Variants in ULK4 observed in about 807,000 individuals in gnomAD.
The protein encoded by ULK4 is inactive serine/threonine-protein kinase ULK4.
In ULK4, 133 loss-of-function variants were observed where a neutral mutation model predicts 160.6. The ratio of observed to expected loss-of-function variants is 0.83; its 90% CI spans 0.72 to 0.96. The LOEUF (loss-of-function observed/expected upper bound fraction) is 0.96, where lower values mean the gene tolerates loss of function less well. Among genes scored for constraint, ULK4 ranks in the 40% least tolerant of loss-of-function variants. The pLI is 0.00. For synonymous variants in ULK4, 534 were observed against 539.8 expected (o/e 0.99, Z 0.15); for missense variants, 1,580 against 1,499.5 (o/e 1.05, Z -0.89).
chr3:41,915,397 G>C (rs185481140), intron 8 of ULK4: 6 of 152,346 alleles, frequency 3.9e-5, no homozygotes, highest in Admixed American at 1.3e-4. Context: ...GACAGAACCA[G>C]AACTAGAAAC....
At chr3:41,919,886 G>T in intron 5 of ULK4, 68 bp from the exon 6 acceptor site, 2 of 995,330 alleles carry the variant, frequency 2.0e-6, no homozygotes, top group Non-Finnish European at 3.1e-6. Context: ...ACCCACCTAG[G>T]AAAGATCTGA....
chr3:41,444,302 C>T (rs2083241221), intron 34 of ULK4, among the ~76,000 whole-genome samples: 1 of 151,390 alleles, frequency 6.6e-6, no homozygotes, highest in Non-Finnish European at 1.5e-5. Context: ...GAATTACCTG[C>T]TTAATTCTTT....
intron 18 of ULK4, among the ~76,000 whole-genome samples, chr3:41,825,632 A>C (rs1452349334): frequency 2.6e-5 from 4 of 152,202 alleles, no homozygotes; most frequent in Admixed American, 2.0e-4. Context: ...AGAAATGAAA[A>C]AAGCCTCCAA....
chr3:41,493,616 T>C lies in ULK4; in HGVS notation c.3227-30363A>G, dbSNP rs1473169203. ...AAGCAAATACAGACACAAAAAACCCTTCAAAAAATCAGGGAATCCAGGAGC... is the reference window on the plus strand; with the variant it reads ...AAGCAAATACAGACACAAAAAACCCCTCAAAAAATCAGGGAATCCAGGAGC... On this transcript the variant is annotated intron_variant, in intron 32 of 36. Coordinates refer to ENST00000301831, the MANE Select transcript of ULK4 (RefSeq NM_017886.4). Among the ~76,000 whole-genome samples the C allele has an allele frequency of 3.8e-4, 52 of 137,096 alleles. 2 individuals are homozygous for C. Among genetic ancestry groups the C allele is most frequent in the African/African-American group, 3.0e-4 (11 of 36,282 alleles). The allele number at this position is 137,096 out of a possible 152,430, so 89.9% of individuals were successfully genotyped here.
chr3:41,520,815 TATTG>T lies in ULK4; in HGVS notation c.3226+45206_3226+45209del, dbSNP rs752300539. 7.2e-5 allele frequency among the ~76,000 whole-genome samples: 11 copies of T among 152,322 alleles called. No individual in the cohort carries two copies. The East Asian group carries it at 7.7e-4, about 11-fold the overall frequency. ...TTTGTATTTCCCTAGTCATTAAAGATATTGATTATTTTTTCAATGCTTAGCAGCC... is the reference window on the plus strand; with the variant it reads ...TTTGTATTTCCCTAGTCATTAAAGATATTATTTTTTCAATGCTTAGCAGCC... On this transcript the variant is annotated intron_variant, in intron 32 of 36. Coordinates refer to ENST00000301831, the MANE Select transcript of ULK4 (RefSeq NM_017886.4).
At chr3:41,360,095 A>G (rs1298188250) in intron 35 of ULK4, among the ~76,000 whole-genome samples, 3 of 152,216 alleles carry the variant, frequency 2.0e-5, no homozygotes, top group Non-Finnish European at 4.4e-5. Context: ...AACCCATTAA[A>G]AAGTGGGCAA....
Position 41,815,997 on chromosome 3 carries a change from T to A in ULK4, c.1848+3426A>T, listed in dbSNP as rs79817331. Among the ~76,000 whole-genome samples the A allele has an allele frequency of 2.4e-3, 368 of 152,094 alleles. 1 individual carries two copies. Among genetic ancestry groups the A allele is most frequent in the African/African-American group, 7.9e-3 (328 of 41,512 alleles). Reference sequence around the variant, plus strand: ...AGCATGGTGGCATGCATAACTACAATCCCAGCTACTTGGGAGGCTGAGACA... The same window carrying A: ...AGCATGGTGGCATGCATAACTACAAACCCAGCTACTTGGGAGGCTGAGACA... On this transcript the variant is annotated intron_variant, in intron 19 of 36. Coordinates refer to ENST00000301831, the MANE Select transcript of ULK4 (RefSeq NM_017886.4).
intron 32 of ULK4, among the ~76,000 whole-genome samples, chr3:41,562,001 G>A (rs1334764957): frequency 6.6e-6 from 1 of 152,146 alleles, no homozygotes; most frequent in Non-Finnish European, 1.5e-5. Context: ...GGCATTTAGT[G>A]CCATAAATTT....
chr3:41,801,580 T>C (rs758376168), intron 19 of ULK4, among the ~76,000 whole-genome samples: 3 of 150,098 alleles, frequency 2.0e-5, no homozygotes, highest in African/African-American at 4.9e-5. Context: ...CAAGGAGCAA[T>C]GTCCCATTCC....
At chr3:41,363,945 T>C (rs2081200558) in intron 35 of ULK4, among the ~76,000 whole-genome samples, 1 of 149,024 alleles carries the variant, frequency 6.7e-6, no homozygotes, top group Non-Finnish European at 1.5e-5. Context: ...TTTTTTTTTC[T>C]GTAGATACAG....
intron 35 of ULK4, among the ~76,000 whole-genome samples, chr3:41,325,139 G>C (rs2080316622): frequency 1.3e-5 from 2 of 152,148 alleles, no homozygotes; most frequent in South Asian, 4.1e-4. Context: ...TTTCATTAAA[G>C]TACAGCTTGA....
intron 34 of ULK4, among the ~76,000 whole-genome samples, chr3:41,435,071 A>G (rs11129907): frequency 0.27 from 40,475 of 152,124 alleles, 5,631 homozygotes; most frequent in East Asian, 0.57. Flanking sequence ...GAGCTGAACC[A>G]TAATTATAAA....
intron 25 of ULK4, among the ~76,000 whole-genome samples, chr3:41,706,360 T>C (rs968832247): frequency 1.4e-5 from 2 of 144,440 alleles, no homozygotes; most frequent in African/African-American, 5.2e-5. Context: ...TATATATATA[T>C]TTATATATAT....
chr3:41,702,369 T>A (rs1352558810), intron 27 of ULK4, among the ~76,000 whole-genome samples: 1 of 152,128 alleles, frequency 6.6e-6, no homozygotes, highest in East Asian at 1.9e-4. Context: ...GGTCTTGAAC[T>A]CCCAACCTCA....
chr3:41,470,044 A>AAAAAAAAAAAAAAAAAAAAAAAAAAAC (rs1415943037), intron 32 of ULK4, among the ~76,000 whole-genome samples: 12 of 116,684 alleles, frequency 1.0e-4, no homozygotes, highest in South Asian at 2.7e-4. Flanking sequence ...AAAAAAAAAA[A>AAAAAAAAAAAAAAAAAAAAAAAAAAAC]AACAAAGTAT....
chr3:41,884,056 G>A, intron 16 of ULK4, 104 bp from the exon 17 acceptor site: 1 of 819,652 alleles, frequency 1.2e-6, no homozygotes, highest in Non-Finnish European at 2.1e-6. Context: ...ATATAAGACT[G>A]AGAAATAAAA....
At chr3:41,835,821 C>G in intron 18 of ULK4, 43 bp downstream of exon 18, 1 of 1,435,344 alleles carries the variant, frequency 7.0e-7, no homozygotes, top group East Asian at 2.3e-5. Context: ...CAGAGTATGT[C>G]AGAACATGTC....
At chr3:41,784,679 C>T (rs1407562585) in intron 21 of ULK4, among the ~76,000 whole-genome samples, 1 of 152,176 alleles carries the variant, frequency 6.6e-6, no homozygotes, top group Non-Finnish European at 1.5e-5. Flanking sequence ...CAAATGGCTA[C>T]TCATCCAAAT....
intron 17 of ULK4, among the ~76,000 whole-genome samples, chr3:41,880,634 T>G (rs1208819386): frequency 6.6e-6 from 1 of 152,170 alleles, no homozygotes; most frequent in Non-Finnish European, 1.5e-5. Flanking sequence ...ATTAAAATGC[T>G]TATAGGGGCC....
Sources: gnomAD v4.1 joint callset for allele counts (sites outside exome capture counted in the v4.1 genomes callset) on GRCh38, gnomAD v4.1.1 for gene constraint, MANE v1.5 for transcripts, NCBI Gene and HGNC (gene_info 2026-07-23, HGNC 2026-07-21) for gene names.